TNIK: variants seen among roughly 807,000 people sequenced by gnomAD.
TNIK encodes the protein TRAF2 and NCK-interacting protein kinase.
In TNIK, 49 loss-of-function variants were observed where a neutral mutation model predicts 191.3. The ratio of observed to expected loss-of-function variants is 0.26; its 90% CI spans 0.20 to 0.32. TNIK has a LOEUF of 0.32. TNIK is among the 10% of genes least tolerant of loss of function. The pLI is 1.00. For missense variants in TNIK, 1,155 were observed against 1,702.3 expected (o/e 0.68, Z 5.66); for synonymous variants, 594 against 600.9 (o/e 0.99, Z 0.17).
chr3:171,268,122 C>T (rs1305161339), intron 2 of TNIK, among the ~76,000 whole-genome samples: 2 of 152,196 alleles, frequency 1.3e-5, no homozygotes, highest in Non-Finnish European at 1.5e-5. Flanking sequence ...ACAACCCCTC[C>T]TCATAGAATA....
At chr3:171,207,609 C>A (rs1184637002) in intron 4 of TNIK, among the ~76,000 whole-genome samples, 2 of 152,156 alleles carry the variant, frequency 1.3e-5, no homozygotes, top group African/African-American at 2.4e-5. Context: ...GCAAGGGGGA[C>A]TTCCAGGGTG....
chr3:171,297,541 G>A (rs993413844), intron 2 of TNIK, among the ~76,000 whole-genome samples: 1 of 152,092 alleles, frequency 6.6e-6, no homozygotes, highest in Non-Finnish European at 1.5e-5. Flanking sequence ...CTGTTTAAAA[G>A]TTTTCCCCCA....
At chr3:171,387,949 C>G (rs1475065416) in intron 1 of TNIK, among the ~76,000 whole-genome samples, 1 of 142,026 alleles carries the variant, frequency 7.0e-6, no homozygotes, top group Non-Finnish European at 1.5e-5. Flanking sequence ...AATGACTGTA[C>G]TATCAGAAAA....
chr3:171,434,490 C>T (rs1725779629), intron 1 of TNIK, among the ~76,000 whole-genome samples: 1 of 151,812 alleles, frequency 6.6e-6, no homozygotes, highest in Non-Finnish European at 1.5e-5. Context: ...CAAAGTCTTG[C>T]TCTGTTGCCC....
At chr3:171,229,320 C>T (rs1743332982) in intron 2 of TNIK, among the ~76,000 whole-genome samples, 1 of 152,158 alleles carries the variant, frequency 6.6e-6, no homozygotes. Flanking sequence ...AAGGCAAGGA[C>T]CATGTCTCAT....
At chr3:171,398,516 C>T (rs976231296) in intron 1 of TNIK, among the ~76,000 whole-genome samples, 1 of 152,176 alleles carries the variant, frequency 6.6e-6, no homozygotes, top group Non-Finnish European at 1.5e-5. Flanking sequence ...CCAAACTCCT[C>T]TTGGTATGGC....
At chr3:171,218,746 A>G (rs1468344604) in intron 3 of TNIK, among the ~76,000 whole-genome samples, 1 of 146,310 alleles carries the variant, frequency 6.8e-6, no homozygotes, top group Non-Finnish European at 1.5e-5. Context: ...TGTATACACT[A>G]TATATGCATT....
intron 22 of TNIK, among the ~76,000 whole-genome samples, chr3:171,094,697 C>A (rs1722497301): frequency 6.6e-6 from 1 of 152,124 alleles, no homozygotes. Context: ...TCCACTCTGG[C>A]CTTGGTTGGT....
At chr3:171,328,683 G>A (rs1474857689) in intron 2 of TNIK, among the ~76,000 whole-genome samples, 1 of 152,176 alleles carries the variant, frequency 6.6e-6, no homozygotes, top group Admixed American at 6.5e-5. Flanking sequence ...GGATTTAAAT[G>A]TTCAATTAAA....
At chr3:171,189,847 G>T (rs1327079241) in intron 6 of TNIK, among the ~76,000 whole-genome samples, 1 of 151,968 alleles carries the variant, frequency 6.6e-6, no homozygotes, top group Non-Finnish European at 1.5e-5. Context: ...GTATACTTTT[G>T]TTTTTAAAAG....
At chr3:171,369,069 C>T (rs1262867739) in intron 2 of TNIK, among the ~76,000 whole-genome samples, 2 of 152,028 alleles carry the variant, frequency 1.3e-5, no homozygotes, top group East Asian at 3.9e-4. Flanking sequence ...GAAATTAGTA[C>T]ACAGGCAAGC....
chr3:171,242,019 G>A (rs1040415239), intron 2 of TNIK, among the ~76,000 whole-genome samples: 3 of 151,374 alleles, frequency 2.0e-5, no homozygotes, highest in African/African-American at 7.3e-5. Context: ...CTGTTGTGGG[G>A]TGGGGGGAAG....
At chr3:171,143,924 T>A (rs1424928979) in intron 12 of TNIK, among the ~76,000 whole-genome samples, 1 of 152,198 alleles carries the variant, frequency 6.6e-6, no homozygotes, top group African/African-American at 2.4e-5. Context: ...CCACCTACAG[T>A]TGGCACTGGA....
At position 171,082,413 on chromosome 3, in the gene TNIK, C is replaced by T. The variant is rs12497854; in HGVS notation, c.3170-19G>A. ...TTTACACCTGTAAATTTAAGAAGCA[C>T]CCTAAGACTGACTTTTCATGAACTT... On this transcript the variant is annotated intron_variant, in intron 26 of 32. Transcript: ENST00000436636. 0.08 allele frequency: 129,059 copies of T among 1,606,676 alleles called. 5,662 individuals carry two copies. Among genetic ancestry groups the T allele is most frequent in the Middle Eastern group, 0.097 (586 of 6,016 alleles).
chr3:171,150,210 C>T (rs974306912), intron 12 of TNIK, among the ~76,000 whole-genome samples: 1 of 152,234 alleles, frequency 6.6e-6, no homozygotes, highest in African/African-American at 2.4e-5. Context: ...TTCTTCCCTT[C>T]ACATGTAACA....
intron 29 of TNIK, 145 bp from the exon 30 acceptor site, chr3:171,069,142 A>T: frequency 9.8e-7 from 1 of 1,019,986 alleles, no homozygotes; most frequent in Non-Finnish European, 1.4e-6. Context: ...AGGTCTGTTG[A>T]TATTCTGGCC....
chr3:171,441,556 T>C (rs757565366), intron 1 of TNIK, among the ~76,000 whole-genome samples: 5 of 152,242 alleles, frequency 3.3e-5, no homozygotes, highest in Non-Finnish European at 5.9e-5. Context: ...TATCCATCAG[T>C]TGATAGACAT....
At chr3:171,135,634 G>A (rs888207919) in intron 15 of TNIK, among the ~76,000 whole-genome samples, 6 of 152,152 alleles carry the variant, frequency 3.9e-5, no homozygotes, top group African/African-American at 1.4e-4. Flanking sequence ...ATATATCTGT[G>A]GAAATGCGTG....
rs544084166 is a variant in TNIK, at chr3:171,104,708, CTTT to C, written c.2406+2472_2406+2474del. ...TGAACTATTGTTTAAAAATTTTTAG[CTTT>C]TTTTTCTCTTTGTATTAAACTATTT... On this transcript the variant is annotated intron_variant, in intron 21 of 32. Coordinates refer to ENST00000436636, the MANE Select transcript of TNIK (RefSeq NM_015028.4). Among the ~76,000 whole-genome samples, 8 of 151,712 alleles carry C rather than the reference CTTT, an allele frequency of 5.3e-5. No homozygotes were observed. The South Asian group carries it at 1.7e-3, about 32-fold the overall frequency.
Sources: gnomAD v4.1 joint callset for allele counts (sites outside exome capture counted in the v4.1 genomes callset) on GRCh38, gnomAD v4.1.1 for gene constraint, MANE v1.5 for transcripts, NCBI Gene and HGNC (gene_info 2026-07-23, HGNC 2026-07-21) for gene names.